Variants in MSRB3 observed in about 807,000 individuals in gnomAD.
MSRB3 encodes methionine-R-sulfoxide reductase B3.
Under a neutral mutation model 21.0 loss-of-function variants are expected in MSRB3, and 13 were observed. That is an observed-to-expected ratio of 0.62 (90% CI 0.40 to 0.98). MSRB3 has a LOEUF of 0.98. MSRB3 is among the 50% of genes least tolerant of loss of function. The pLI, the probability that MSRB3 is intolerant of heterozygous loss-of-function variation, is 0.00. For synonymous variants in MSRB3, 87 were observed against 88.6 expected, an observed-to-expected ratio of 0.98 and a Z score of 0.10; for missense variants, 199 against 230.3, an observed-to-expected ratio of 0.86 and a Z score of 0.88.
intron 4 of MSRB3, among the ~76,000 whole-genome samples, chr12:65,340,121 A>C (rs1189789856): frequency 6.6e-6 from 1 of 152,220 alleles, no homozygotes; most frequent in South Asian, 2.1e-4. Flanking sequence ...TATCCAAGAA[A>C]ATAGATGACA....
At chr12:65,386,059 A>G (rs1051230852) in intron 5 of MSRB3, among the ~76,000 whole-genome samples, 2 of 151,944 alleles carry the variant, frequency 1.3e-5, no homozygotes, top group Admixed American at 1.3e-4. Flanking sequence ...TTACTTAAAA[A>G]TCATTTTTTA....
chr12:65,362,013 T>C (rs948047810), intron 4 of MSRB3, among the ~76,000 whole-genome samples: 1 of 152,230 alleles, frequency 6.6e-6, no homozygotes, highest in South Asian at 2.1e-4. Context: ...AGTGAATAGC[T>C]AACTCATAAC....
intron 4 of MSRB3, among the ~76,000 whole-genome samples, chr12:65,366,242 G>T (rs144028349): frequency 0.021 from 3,123 of 152,268 alleles, 52 homozygotes; most frequent in Middle Eastern, 0.085. Flanking sequence ...GGGCCAAGGG[G>T]TCCCTCCAGC....
At chr12:65,324,404 T>A (rs1011990479) in intron 2 of MSRB3, among the ~76,000 whole-genome samples, 2 of 152,228 alleles carry the variant, frequency 1.3e-5, no homozygotes, top group Non-Finnish European at 2.9e-5. Context: ...TGTAGCACAG[T>A]TAATGAGATG....
chr12:65,301,253 GA>G (rs1284218739), intron 1 of MSRB3, among the ~76,000 whole-genome samples: 1 of 152,026 alleles, frequency 6.6e-6, no homozygotes, highest in Non-Finnish European at 1.5e-5. Flanking sequence ...TAACATATAC[GA>G]AAATGCCTTG....
At chr12:65,418,879 A>C (rs1019200610) in intron 5 of MSRB3, 1 of 746,850 alleles carries the variant, frequency 1.3e-6, no homozygotes, top group Non-Finnish European at 2.4e-6. Flanking sequence ...GCAGTGATAC[A>C]TGGCAATCTC....
In MSRB3 at chr12:65,352,712, C is replaced by G. The variant is rs368585059; in HGVS notation, c.264-16286C>G. Among the ~76,000 whole-genome samples the G allele has an allele frequency of 1.6e-4, 25 of 151,594 alleles. No individual in the cohort carries two copies. The East Asian group carries it at 4.8e-3, about 29-fold the overall frequency. ...CAAATTATGAGTGAACTCCCATTCA[C>G]AATTGCTTCAAAGAGAATAAAATAC... is the stretch of plus-strand genomic sequence containing the variant. On this transcript the variant is annotated intron_variant, in intron 4 of 6. Coordinates refer to ENST00000308259, the MANE Select transcript of MSRB3 (RefSeq NM_001031679.3).
intron 1 of MSRB3, among the ~76,000 whole-genome samples, chr12:65,295,601 C>T (rs1392710588): frequency 1.3e-5 from 2 of 151,588 alleles, no homozygotes; most frequent in Non-Finnish European, 2.9e-5. Flanking sequence ...ATTTCCTGAG[C>T]CCTTCTGTTA....
intron 2 of MSRB3, among the ~76,000 whole-genome samples, chr12:65,311,765 A>G (rs11835298): frequency 0.035 from 5,359 of 152,130 alleles, 330 homozygotes; most frequent in African/African-American, 0.12. Context: ...AATTTTGAGT[A>G]TTATTCAATA....
chr12:65,433,759 C>T (rs959523155), intron 5 of MSRB3, among the ~76,000 whole-genome samples: 3 of 151,932 alleles, frequency 2.0e-5, no homozygotes, highest in Non-Finnish European at 4.4e-5. Flanking sequence ...ACACTGCTCC[C>T]TTCCCCAGGG....
chr12:65,389,234 A>G (rs1237364118), intron 5 of MSRB3, among the ~76,000 whole-genome samples: 1 of 151,966 alleles, frequency 6.6e-6, no homozygotes, highest in Non-Finnish European at 1.5e-5. Context: ...TACTATCCTC[A>G]CAGTCATTTC....
chr12:65,308,690 C>T (rs1444260346), intron 2 of MSRB3, 35 bp downstream of exon 2: 3 of 1,613,700 alleles, frequency 1.9e-6, no homozygotes, highest in Non-Finnish European at 2.5e-6. Context: ...AGTGAAGGCA[C>T]AGGGCCAACT....
chr12:65,332,554 G>A (rs1253900548), intron 4 of MSRB3, among the ~76,000 whole-genome samples: 3 of 152,102 alleles, frequency 2.0e-5, no homozygotes, highest in African/African-American at 4.8e-5. Context: ...GTTAATGGGT[G>A]CAGCACACCA....
At chr12:65,418,666 C>T in intron 5 of MSRB3, 1 of 626,110 alleles carries the variant, frequency 1.6e-6, no homozygotes, top group Non-Finnish European at 2.8e-6. Flanking sequence ...TTTTTTTTAA[C>T]CTCTGAACTT....
chr12:65,361,725 A>G (rs1877718114), intron 4 of MSRB3, among the ~76,000 whole-genome samples: 1 of 152,124 alleles, frequency 6.6e-6, no homozygotes, highest in Non-Finnish European at 1.5e-5. Flanking sequence ...CCAAACAACC[A>G]TAAATCTCAT....
At chr12:65,280,225 G>A (rs1345212447) in intron 1 of MSRB3, among the ~76,000 whole-genome samples, 1 of 152,148 alleles carries the variant, frequency 6.6e-6, no homozygotes, top group African/African-American at 2.4e-5. Context: ...ATAGTAACTT[G>A]AGCAGTGATA....
intron 5 of MSRB3, among the ~76,000 whole-genome samples, chr12:65,437,571 G>A (rs1399325145): frequency 6.6e-6 from 1 of 151,640 alleles, no homozygotes; most frequent in Non-Finnish European, 1.5e-5. Context: ...GACAGGATCA[G>A]TCTGAACAAA....
intron 4 of MSRB3, among the ~76,000 whole-genome samples, chr12:65,355,370 T>C (rs573284898): frequency 3.3e-5 from 5 of 151,944 alleles, no homozygotes; most frequent in South Asian, 4.1e-4. Context: ...CACCAGTGAG[T>C]AGACAAAAGA....
chr12:65,458,679 C>G (rs1219921036), intron 6 of MSRB3, among the ~76,000 whole-genome samples: 1 of 152,176 alleles, frequency 6.6e-6, no homozygotes, highest in East Asian at 1.9e-4. Context: ...GTTATTCCAC[C>G]TACTGAATTG....
Sources: allele counts gnomAD v4.1 joint callset (sites outside exome capture counted in the v4.1 genomes callset), GRCh38; gene constraint gnomAD v4.1.1; transcripts MANE v1.5; gene names NCBI Gene and HGNC (gene_info 2026-07-23, HGNC 2026-07-21).